Variants in WWOX observed in about 807,000 individuals in gnomAD.
WWOX encodes WW domain containing oxidoreductase.
WWOX carries 69 observed loss-of-function variants against 46.2 expected under a neutral mutation model. The ratio of observed to expected loss-of-function variants is 1.49; its 90% CI spans 1.23 to 1.82. The LOEUF is 1.82. Ranked by LOEUF, WWOX falls within the 40% of genes most tolerant of loss-of-function variation. The pLI is 0.00. For missense variants in WWOX, 919 were observed against 542.6 expected (o/e 1.69, Z -6.89); for synonymous variants, 359 against 202.6 (o/e 1.77, Z -6.56).
intron 8 of WWOX, among the ~76,000 whole-genome samples, chr16:78,807,199 T>C (rs2051063609): frequency 6.6e-6 from 1 of 152,238 alleles, no homozygotes; most frequent in Non-Finnish European, 1.5e-5. Context: ...ACTGAGTACA[T>C]CCTTGCTGTT....
chr16:78,799,686 T>C (rs1485286017), intron 8 of WWOX, among the ~76,000 whole-genome samples: 1 of 152,182 alleles, frequency 6.6e-6, no homozygotes, highest in Non-Finnish European at 1.5e-5. Context: ...TCTGCTCTTT[T>C]ATGCTGCCTG....
intron 8 of WWOX, among the ~76,000 whole-genome samples, chr16:78,998,209 A>G (rs1364744987): frequency 6.6e-6 from 1 of 152,186 alleles, no homozygotes; most frequent in East Asian, 1.9e-4. Flanking sequence ...AAACTGCACC[A>G]TGAGTAAAAT....
chr16:78,199,485 C>T (rs2036163739), intron 5 of WWOX, among the ~76,000 whole-genome samples: 2 of 152,148 alleles, frequency 1.3e-5, no homozygotes, highest in African/African-American at 4.8e-5. Flanking sequence ...TGTTGTATTT[C>T]CTGCTCTGCG....
At chr16:78,465,479 C>T (rs1372060986) in intron 8 of WWOX, among the ~76,000 whole-genome samples, 1 of 152,108 alleles carries the variant, frequency 6.6e-6, no homozygotes, top group Non-Finnish European at 1.5e-5. Context: ...CACACCCAGC[C>T]TGGGGGAGGG....
intron 8 of WWOX, among the ~76,000 whole-genome samples, chr16:78,944,229 A>G (rs1007408782): frequency 2.6e-5 from 4 of 152,090 alleles, no homozygotes; most frequent in African/African-American, 2.4e-5. Context: ...CTCCCTTTCC[A>G]GATAAAAGTT....
At chr16:78,447,596 A>G (rs1480405635) in intron 8 of WWOX, among the ~76,000 whole-genome samples, 1 of 152,198 alleles carries the variant, frequency 6.6e-6, no homozygotes, top group Non-Finnish European at 1.5e-5. Flanking sequence ...CCATTGTTCC[A>G]AAAGGTAATG....
At chr16:78,323,655 T>C (rs547451559) in intron 5 of WWOX, among the ~76,000 whole-genome samples, 1 of 152,166 alleles carries the variant, frequency 6.6e-6, no homozygotes, top group Non-Finnish European at 1.5e-5. Flanking sequence ...ACGCATGGCA[T>C]TGAAAGAACA....
intron 8 of WWOX, among the ~76,000 whole-genome samples, chr16:78,912,102 C>A (rs896116373): frequency 1.3e-5 from 2 of 150,488 alleles, no homozygotes. Context: ...ACAGGTTTTC[C>A]AGTGTCTCTG....
At chr16:78,786,486 G>A (rs1377525027) in intron 8 of WWOX, among the ~76,000 whole-genome samples, 1 of 152,156 alleles carries the variant, frequency 6.6e-6, no homozygotes, top group Non-Finnish European at 1.5e-5. Context: ...TGAGTACTTA[G>A]TACTTTTTAG....
In WWOX at chr16:79,117,652, C is replaced by G. The variant is rs2049543753; in HGVS notation, c.1057-93956C>G. ...AAGCTGTTTTGTCTACATTGAAAAT[C>G]TGTTAGTGTAGCCACCTTAGTGGTC... On this transcript the variant is annotated intron_variant, in intron 8 of 8. Transcript: ENST00000566780. 3.3e-5 allele frequency among the ~76,000 whole-genome samples: 5 copies of G among 152,246 alleles called. No homozygotes were observed. The South Asian group carries it at 1.0e-3, about 31-fold the overall frequency.
intron 8 of WWOX, among the ~76,000 whole-genome samples, chr16:78,874,012 A>G (rs1035863518): frequency 6.6e-6 from 1 of 152,020 alleles, no homozygotes; most frequent in Admixed American, 6.6e-5. Context: ...CTGTAATCCC[A>G]GCACTTTGGG....
intron 8 of WWOX, among the ~76,000 whole-genome samples, chr16:78,585,719 A>T (rs1466307697): frequency 3.5e-5 from 5 of 144,820 alleles, no homozygotes. Context: ...TTTTTGCCTA[A>T]TTTGTGCTTG....
At chr16:78,828,721 A>C (rs1013507093) in intron 8 of WWOX, among the ~76,000 whole-genome samples, 2 of 152,136 alleles carry the variant, frequency 1.3e-5, no homozygotes, top group Non-Finnish European at 2.9e-5. Context: ...AATCGTAGTT[A>C]GCAATATCGT....
intron 8 of WWOX, among the ~76,000 whole-genome samples, chr16:79,050,392 G>A (rs1431486908): frequency 6.6e-6 from 1 of 152,190 alleles, no homozygotes; most frequent in African/African-American, 2.4e-5. Context: ...GACCAGACAT[G>A]ACTTTCTTAT....
rs750263738 is a variant in WWOX, at chr16:78,157,864, C to T, written c.410-6319C>T. On this transcript the variant is annotated intron_variant, in intron 4 of 8. Coordinates refer to ENST00000566780, the MANE Select transcript of WWOX (RefSeq NM_016373.4). ...ACTGTGCTGGATTTGGTAGGTCGTA[C>T]GAATTGGGTAAGAGGCATAGGACAC... 1.2e-4 allele frequency among the ~76,000 whole-genome samples: 19 copies of T among 152,206 alleles called. No individual in the cohort carries two copies. The Middle Eastern group carries it at 0.01, about 82-fold the overall frequency.
intron 5 of WWOX, among the ~76,000 whole-genome samples, chr16:78,378,623 G>A (rs1334334327): frequency 6.6e-6 from 1 of 152,192 alleles, no homozygotes; most frequent in Non-Finnish European, 1.5e-5. Flanking sequence ...CAACGCCAGT[G>A]TCTCTTGCTG....
intron 8 of WWOX, among the ~76,000 whole-genome samples, chr16:78,497,842 G>A (rs183106084): frequency 1.1e-4 from 15 of 131,602 alleles, no homozygotes; most frequent in African/African-American, 3.4e-4. Context: ...ATTATACACC[G>A]GAGTTACTGA....
intron 8 of WWOX, among the ~76,000 whole-genome samples, chr16:79,159,624 T>A (rs766073549): frequency 6.6e-6 from 1 of 152,192 alleles, no homozygotes; most frequent in Non-Finnish European, 1.5e-5. Context: ...CCCCCAGAGA[T>A]TGTCTCTCCC....
intron 8 of WWOX, chr16:78,895,409 G>C (rs559462446): frequency 6.6e-6 from 1 of 152,254 alleles, no homozygotes; most frequent in Admixed American, 6.5e-5. Flanking sequence ...TCTCCTCTGT[G>C]GGGTCAAAAC....
Sources: gnomAD v4.1 joint callset for allele counts (sites outside exome capture counted in the v4.1 genomes callset) on GRCh38, gnomAD v4.1.1 for gene constraint, MANE v1.5 for transcripts, NCBI Gene and HGNC (gene_info 2026-07-23, HGNC 2026-07-21) for gene names.